The following TMEM39B variants were observed in gnomAD, a reference collection of about 807,000 sequenced individuals.
TMEM39B encodes transmembrane protein 39B.
In TMEM39B, 23 loss-of-function variants were observed where a neutral mutation model predicts 52.2. The observed-to-expected ratio is 0.44, with a 90% CI of 0.32 to 0.62. The LOEUF is 0.62. Among genes scored for constraint, TMEM39B ranks in the 20% least tolerant of loss-of-function variants. TMEM39B has a pLI of 0.06. For synonymous variants in TMEM39B, 285 were observed against 264.0 expected (o/e 1.08, Z -0.77); for missense variants, 547 against 642.0 (o/e 0.85, Z 1.60).
chr1:32,073,913 T>C lies in TMEM39B; in HGVS notation c.4+862T>C. ...AACTTTTTAAAAATATGTATATGTATGTATATATATTTTTTAATAGAGACC... is the reference window on the plus strand; with the variant it reads ...AACTTTTTAAAAATATGTATATGTACGTATATATATTTTTTAATAGAGACC... On this transcript the variant is annotated intron_variant, in intron 1 of 8. Transcript: ENST00000336294. The C allele has an allele frequency of 8.2e-6, 8 of 977,506 alleles. No individual in the cohort carries two copies. The South Asian group carries it at 1.9e-4, about 23-fold the overall frequency. The allele number at this position is 977,506 out of a possible 1,614,324, so 60.6% of individuals were successfully genotyped here. A position where few individuals can be genotyped will look rare whatever the true frequency, so the allele number is the denominator to read the frequency against.
intron 7 of TMEM39B, among the ~76,000 whole-genome samples, chr1:32,096,139 A>G (rs1292490933): frequency 1.3e-5 from 2 of 152,018 alleles, no homozygotes; most frequent in Non-Finnish European, 1.5e-5. Flanking sequence ...TGCTTTATGC[A>G]CTTGTGCCTT....
At chr1:32,098,936 G>A (rs966452977) in intron 7 of TMEM39B, among the ~76,000 whole-genome samples, 1 of 152,048 alleles carries the variant, frequency 6.6e-6, no homozygotes, top group African/African-American at 2.4e-5. Context: ...CTAGTAGCAG[G>A]AGATGCAGGG....
At chr1:32,075,999 T>G (rs796898690) in intron 3 of TMEM39B, 177 bp downstream of exon 3, 14 of 509,838 alleles carry the variant, frequency 2.7e-5, no homozygotes, top group Non-Finnish European at 3.8e-5. Flanking sequence ...CACTGAATAC[T>G]CCTAGTGTGT....
At chr1:32,090,249 A>T (rs550229988) in intron 5 of TMEM39B, among the ~76,000 whole-genome samples, 1 of 152,042 alleles carries the variant, frequency 6.6e-6, no homozygotes, top group Admixed American at 6.6e-5. Context: ...TTTTCTCCGC[A>T]TACAATAGCA....
At chr1:32,082,043 G>A (rs1640120549) in intron 5 of TMEM39B, among the ~76,000 whole-genome samples, 1 of 152,108 alleles carries the variant, frequency 6.6e-6, no homozygotes, top group Non-Finnish European at 1.5e-5. Flanking sequence ...CCCAGTAATT[G>A]ATAGCTTTTA....
chr1:32,073,537 T>C, intron 1 of TMEM39B: 1 of 996,384 alleles, frequency 1.0e-6, no homozygotes, highest in Non-Finnish European at 1.2e-6. Context: ...CTGACAGTTG[T>C]GTGTAGGCGG....
chr1:32,073,635 G>A (rs1290793724), intron 1 of TMEM39B: 3 of 986,176 alleles, frequency 3.0e-6, no homozygotes, highest in Non-Finnish European at 3.6e-6. Flanking sequence ...CTGGACTAAG[G>A]GTGTTTGTGT....
chr1:32,072,649 A>C (rs1160510023), upstream of TMEM39B, among the ~76,000 whole-genome samples: 1 of 152,104 alleles, frequency 6.6e-6, no homozygotes, highest in Admixed American at 6.5e-5. Context: ...CCGGTCAGGG[A>C]TATGGTCCAC....
chr1:32,075,403 G>T (rs1306047124), intron 2 of TMEM39B, among the ~76,000 whole-genome samples, 200 bp from the exon 3 acceptor site: 1 of 152,148 alleles, frequency 6.6e-6, no homozygotes, highest in Non-Finnish European at 1.5e-5. Context: ...TTCTCTCCTA[G>T]GGGGTGTTGG....
intron 3 of TMEM39B, 198 bp downstream of exon 3, chr1:32,076,020 A>G: frequency 2.3e-6 from 1 of 429,618 alleles, no homozygotes; most frequent in Non-Finnish European, 4.1e-6. Flanking sequence ...TTAGTAGCAC[A>G]TTGGGCACTG....
At chr1:32,094,057 A>G (rs2124486646) in intron 6 of TMEM39B, among the ~76,000 whole-genome samples, 1 of 137,214 alleles carries the variant, frequency 7.3e-6, no homozygotes, top group Admixed American at 7.9e-5. Flanking sequence ...TGACCTTGTG[A>G]TCCACCCACC....
Position 32,091,941 on chromosome 1 carries a change from T to C in TMEM39B, c.857T>C (p.Met286Thr). 6.2e-7 allele frequency: 1 copy of C among 1,614,146 alleles called. No individual in the cohort carries two copies. The highest frequency in any genetic ancestry group is 8.5e-7 in the Non-Finnish European group (1 of 1,180,004). The change falls in exon 6 of 9, where the codon ATG (methionine) becomes ACG (threonine). Residue 286 changes from methionine (M) to threonine (T), a missense_variant. Transcript: ENST00000336294. ...CTCAAGATGGACTTCAACTGGCGCA[T>C]GAAGGAAGTGCTCGTCAGCTCCATG... Reference protein sequence around the residue: ...EFLKMDFNWRMKEVLVSSMLS... With the variant: ...EFLKMDFNWRTKEVLVSSMLS...
At chr1:32,093,854 T>C (rs1340430218) in intron 6 of TMEM39B, among the ~76,000 whole-genome samples, 2 of 152,040 alleles carry the variant, frequency 1.3e-5, no homozygotes, top group Non-Finnish European at 2.9e-5. Context: ...AGTCTCGCTC[T>C]GTTGCCCAGG....
intron 5 of TMEM39B, among the ~76,000 whole-genome samples, chr1:32,088,487 TTC>T (rs966004590): frequency 6.6e-6 from 1 of 152,098 alleles, no homozygotes; most frequent in African/African-American, 2.4e-5. Context: ...CCATGACTGC[TTC>T]TTCGTCTGTC....
intron 6 of TMEM39B, among the ~76,000 whole-genome samples, chr1:32,093,806 TTTTTG>T (rs528545796): frequency 2.0e-5 from 3 of 151,262 alleles, no homozygotes; most frequent in African/African-American, 4.9e-5. Flanking sequence ...GGTTGCTTTT[TTTTTG>T]TTTTGTTTTG....
At position 32,090,508 on chromosome 1, in the gene TMEM39B, T is replaced by A. The variant is rs368065587; in HGVS notation, c.591-1167T>A. On this transcript the variant is annotated intron_variant, in intron 5 of 8. Coordinates refer to ENST00000336294, the MANE Select transcript of TMEM39B (RefSeq NM_018056.4). ...CTTACTCTGCCCGGCCAGAGTGCAG[T>A]GGCACAATCATGGGTCACTGCAGCC... is the stretch of plus-strand genomic sequence containing the variant. Among the ~76,000 whole-genome samples, 82 of 152,236 alleles carry A rather than the reference T, an allele frequency of 5.4e-4. 1 individual carries two copies. The highest frequency in any genetic ancestry group is 1.4e-3 in the Admixed American group (22 of 15,294).
At chr1:32,085,607 T>C (rs936995647) in intron 5 of TMEM39B, among the ~76,000 whole-genome samples, 1 of 151,966 alleles carries the variant, frequency 6.6e-6, no homozygotes, top group Non-Finnish European at 1.5e-5. Context: ...AAAAATTAGC[T>C]GGGTGTGGTG....
chr1:32,076,825 C>CATTGGGTCCATCGTGAAGGAGGTG lies in TMEM39B; in HGVS notation c.424_435+12dup. The CATTGGGTCCATCGTGAAGGAGGTG allele has an allele frequency of 6.2e-7, 1 of 1,614,126 alleles. No individual in the cohort carries two copies. Among genetic ancestry groups the CATTGGGTCCATCGTGAAGGAGGTG allele is most frequent in the Non-Finnish European group, 8.5e-7 (1 of 1,180,018 alleles). On this transcript the variant is annotated inframe_insertion, in exon 4 of 9. Transcript: ENST00000336294. ...CCACCATCGTTCTGGGCCGCCGCTT[C>CATTGGGTCCATCGTGAAGGAGGTG]ATTGGGTCCATCGTGAAGGAGGTGA...
At chr1:32,082,179 A>T (rs1640125703) in intron 5 of TMEM39B, among the ~76,000 whole-genome samples, 1 of 151,996 alleles carries the variant, frequency 6.6e-6, no homozygotes, top group Admixed American at 6.6e-5. Flanking sequence ...ACCCTATCCA[A>T]CCACTTTTCC....
Sources: allele counts gnomAD v4.1 joint callset (sites outside exome capture counted in the v4.1 genomes callset), GRCh38; gene constraint gnomAD v4.1.1; transcripts MANE v1.5; gene names NCBI Gene and HGNC (gene_info 2026-07-23, HGNC 2026-07-21).